Variants in PRDM15 observed in about 807,000 individuals in gnomAD.
The protein encoded by PRDM15 is PR domain zinc finger protein 15.
A neutral mutation model predicts 128.6 loss-of-function variants in PRDM15; 64 were observed. The observed-to-expected ratio is 0.50, with a 90% CI of 0.41 to 0.61. The LOEUF (loss-of-function observed/expected upper bound fraction) is 0.61. Among genes scored for constraint, PRDM15 ranks in the 20% least tolerant of loss-of-function variants. The pLI, the probability that PRDM15 is intolerant of heterozygous loss-of-function variation, is 0.00. For missense variants in PRDM15, 1,242 were observed against 1,569.1 expected (o/e 0.79, Z 3.52); for synonymous variants, 615 against 621.8 (o/e 0.99, Z 0.16).
At chr21:41,852,223 C>G (rs1013096583) in intron 5 of PRDM15, among the ~76,000 whole-genome samples, 1 of 152,274 alleles carries the variant, frequency 6.6e-6, no homozygotes, top group African/African-American at 2.4e-5. Context: ...GTGGTGAGGG[C>G]ATCCCCCAGG....
At position 41,879,056 on chromosome 21, in the gene PRDM15, T is replaced by C; in HGVS notation, c.-10+214A>G. On this transcript the variant is annotated intron_variant, in intron 1 of 23. Transcript: ENST00000398548. This position sits in a 1 kb window ranked among gnomAD's most constrained non-coding sequence, Gnocchi z 5.1. ...CGGCTCCGGGAAATCCAGCCGGGTT[T>C]TGACTCCGATCGCCAACGGTGCCCG... The C allele has an allele frequency of 1.8e-6, 2 of 1,130,552 alleles. No individual in the cohort carries two copies. Among genetic ancestry groups the C allele is most frequent in the South Asian group, 1.9e-5 (1 of 52,084 alleles). The allele number at this position is 1,130,552 out of a possible 1,614,324, so 70.0% of individuals were successfully genotyped here.
chr21:41,855,579 C>T (rs1198074577), intron 4 of PRDM15, among the ~76,000 whole-genome samples: 2 of 152,190 alleles, frequency 1.3e-5, no homozygotes, highest in Non-Finnish European at 2.9e-5. Flanking sequence ...CTAATGACCA[C>T]CAGCTGCTGA....
At chr21:41,878,465 G>A (rs1036466199) in intron 1 of PRDM15, among the ~76,000 whole-genome samples, 3 of 152,268 alleles carry the variant, frequency 2.0e-5, no homozygotes, top group African/African-American at 4.8e-5. Context: ...ATTTTCTCAA[G>A]GCTAACCCCT....
intron 1 of PRDM15, among the ~76,000 whole-genome samples, chr21:41,871,175 T>C (rs1401000198): frequency 1.3e-5 from 2 of 152,206 alleles, no homozygotes; most frequent in African/African-American, 2.4e-5. Flanking sequence ...CACTCCTCAC[T>C]GCCTGCTGCC....
At chr21:41,848,424 G>T (rs2063332852) in intron 5 of PRDM15, among the ~76,000 whole-genome samples, 1 of 152,188 alleles carries the variant, frequency 6.6e-6, no homozygotes, top group South Asian at 2.1e-4. Flanking sequence ...GGGGCACCCT[G>T]CCAGCAGGGC....
Position 41,849,394 on chromosome 21 carries a change from G to A in PRDM15, c.539-2203C>T, listed in dbSNP as rs566270945. 9.9e-5 allele frequency among the ~76,000 whole-genome samples: 15 copies of A among 151,402 alleles called. 2 individuals carry two copies. Among genetic ancestry groups the A allele is most frequent in the East Asian group, 3.9e-4 (2 of 5,104 alleles). On this transcript the variant is annotated intron_variant, in intron 5 of 23. Coordinates refer to ENST00000398548, the MANE Select transcript of PRDM15 (RefSeq NM_001040424.3). ...ACCAGCCTGGGCAACATAGCAAAACGCCGTCTCTACTAAAAAATGCACAAA... is the reference window on the plus strand; with the variant it reads ...ACCAGCCTGGGCAACATAGCAAAACACCGTCTCTACTAAAAAATGCACAAA...
At position 41,832,435 on chromosome 21, in the gene PRDM15, C is replaced by T. The variant is rs1368227547; in HGVS notation, c.1366+3002G>A. Among the ~76,000 whole-genome samples the T allele has an allele frequency of 1.3e-5, 2 of 151,984 alleles. No individual in the cohort carries two copies. Among genetic ancestry groups the T allele is most frequent in the Non-Finnish European group, 2.9e-5 (2 of 68,002 alleles). ...TTACAGCGCTGTGGCATCGGATCAC[C>T]ACAGGCCACACCTTACAGCACTGTG... On this transcript the variant is annotated intron_variant, in intron 11 of 23. Transcript: ENST00000398548. The surrounding 1 kb of genome is among the most constrained non-coding windows in gnomAD (Gnocchi z 4.2).
chr21:41,838,467 T>A (rs1458561789), intron 7 of PRDM15, among the ~76,000 whole-genome samples: 1 of 152,200 alleles, frequency 6.6e-6, no homozygotes, highest in Non-Finnish European at 1.5e-5. Context: ...GTAAAACCAT[T>A]TTAGCTAACC....
rs942935102 is a variant in PRDM15 at position 41,862,940 on chromosome 21, C to T, written c.-9-2568G>A. 5.3e-5 allele frequency among the ~76,000 whole-genome samples: 8 copies of T among 152,006 alleles called. No homozygotes were observed. Among genetic ancestry groups the T allele is most frequent in the African/African-American group, 1.2e-4 (5 of 41,378 alleles). Reference sequence around the variant, plus strand: ...ATCCCAGCACTTTCAGAGATGAGGACGGGCGATCACTTCAGGTCAGGAGTT... The same window carrying T: ...ATCCCAGCACTTTCAGAGATGAGGATGGGCGATCACTTCAGGTCAGGAGTT... On this transcript the variant is annotated intron_variant, in intron 1 of 23. Transcript: ENST00000398548. This position sits in a 1 kb window ranked among gnomAD's most constrained non-coding sequence, Gnocchi z 4.1.
intron 11 of PRDM15, among the ~76,000 whole-genome samples, chr21:41,831,979 C>T (rs2062709240): frequency 6.6e-6 from 1 of 152,236 alleles, no homozygotes; most frequent in South Asian, 2.1e-4. Flanking sequence ...CATACAGCCA[C>T]TGCCCTCAGT....
At chr21:41,818,519 T>C (rs528078426) in intron 18 of PRDM15, among the ~76,000 whole-genome samples, 13 of 152,150 alleles carry the variant, frequency 8.5e-5, no homozygotes, top group African/African-American at 3.1e-4. Flanking sequence ...GGCAAGAGCC[T>C]GTGCTGGCCT....
At chr21:41,853,192 A>G (rs989949767) in intron 5 of PRDM15, among the ~76,000 whole-genome samples, 1 of 152,054 alleles carries the variant, frequency 6.6e-6, no homozygotes, top group Admixed American at 6.5e-5. Context: ...GCGCCGGGAC[A>G]CTCCCACACA....
At position 41,800,359 on chromosome 21, in the gene PRDM15, C is replaced by T. The variant is rs34117759; in HGVS notation, c.*881G>A. Reference sequence around the variant, plus strand: ...GGCTCACTCCTCACACACAGCCGCGCGACCCTCTGCATCTGGGCAGCTGTG... The same window carrying T: ...GGCTCACTCCTCACACACAGCCGCGTGACCCTCTGCATCTGGGCAGCTGTG... On this transcript the variant is annotated 3_prime_UTR_variant, in exon 24 of 24. Transcript: ENST00000398548. 3.4e-3 allele frequency: 518 copies of T among 152,582 alleles called. 3 individuals carry two copies. Among genetic ancestry groups the T allele is most frequent in the Admixed American group, 4.6e-3 (71 of 15,304 alleles). The allele number at this position is 152,582 out of a possible 1,614,324, so 9.5% of individuals were successfully genotyped here. A position where few individuals can be genotyped will look rare whatever the true frequency, so the allele number is the denominator to read the frequency against.
chr21:41,868,291 G>C (rs752776976), intron 1 of PRDM15, among the ~76,000 whole-genome samples: 9 of 152,170 alleles, frequency 5.9e-5, no homozygotes, highest in African/African-American at 2.2e-4. Context: ...AAGCTGTTAG[G>C]AGCAATCGTG....
At chr21:41,838,125 C>T in intron 7 of PRDM15, 62 bp from the exon 8 acceptor site, 1 of 1,579,492 alleles carries the variant, frequency 6.3e-7, no homozygotes, top group Non-Finnish European at 8.6e-7. Flanking sequence ...CACAGTCAAA[C>T]CATGGTGACA....
chr21:41,828,180 C>A lies in PRDM15; in HGVS notation c.1520G>T (p.Arg507Leu). 1.2e-6 allele frequency: 2 copies of A among 1,613,886 alleles called. No individual in the cohort carries two copies. Among genetic ancestry groups the A allele is most frequent in the East Asian group, 2.2e-5 (1 of 44,866 alleles). ...YRKDVMLDHQ[R>L]RHLEGVRRVK... ...GGCGGCCTCACCTTCCAGGTGCCGG[C>A]GCTGGTGGTCCAGCATGACGTCCTT... Residue 507 changes from arginine to leucine, a missense_variant, in exon 12 of 24, where the codon CGC becomes CTC. Coordinates refer to ENST00000398548, the MANE Select transcript of PRDM15 (RefSeq NM_001040424.3). This position sits in a 1 kb window ranked among gnomAD's most constrained non-coding sequence, Gnocchi z 5.7.
chr21:41,825,692 G>A (rs1430779012), intron 13 of PRDM15, among the ~76,000 whole-genome samples: 2 of 152,210 alleles, frequency 1.3e-5, no homozygotes, highest in East Asian at 1.9e-4. Flanking sequence ...GAGCAGCTCA[G>A]GAGGAAAATC....
In PRDM15 at chr21:41,800,018, T is replaced by C. The variant is rs2236691; in HGVS notation, c.*1222A>G. 0.25 allele frequency: 38,633 copies of C among 152,180 alleles called. 4,985 individuals carry two copies. Among genetic ancestry groups the C allele is most frequent in the African/African-American group, 0.32 (13,249 of 41,494 alleles). The allele number at this position is 152,180 out of a possible 1,614,324, so 9.4% of individuals were successfully genotyped here. The stretch of plus-strand genomic sequence containing the variant: ...TGGCTGTTCACCGCACATTCAGTTT[T>C]AGGGGCAATTAATGCTTCTATTAGT... On this transcript the variant is annotated 3_prime_UTR_variant, in exon 24 of 24. Transcript: ENST00000398548.
rs377344671 is a variant in PRDM15, at chr21:41,804,559, T to C, written c.2708A>G (p.Asp903Gly). Residue 903 changes from aspartate (D) to glycine (G), a missense_variant, in exon 22 of 24, where the codon GAC becomes GGC. Around this residue, in one of 3 missense-constraint regions of PRDM15, gnomAD observed 602 missense variants for 788.3 expected, o/e 0.76. Coordinates refer to ENST00000398548, the MANE Select transcript of PRDM15 (RefSeq NM_001040424.3). ...CTGGACGATGCCAATGGAGGAGGCG[T>C]CGATGGTGGTGGTCTCCGGGAGGTG... ...LDHLPETTTI[D>G]ASSIGIVQPE... 6.4e-6 allele frequency: 10 copies of C among 1,570,442 alleles called. No homozygotes were observed. The highest frequency in any genetic ancestry group is 7.8e-6 in the Non-Finnish European group (9 of 1,157,508).
Sources: allele counts gnomAD v4.1 joint callset (sites outside exome capture counted in the v4.1 genomes callset), GRCh38; gene constraint gnomAD v4.1.1; regional missense constraint gnomAD v4.1.1; non-coding constraint Gnocchi (gnomAD v3.1); transcripts MANE v1.5; gene names NCBI Gene and HGNC (gene_info 2026-07-23, HGNC 2026-07-21).